The following STK39 variants were observed in gnomAD, a reference collection of about 807,000 sequenced individuals.
The protein encoded by STK39 is serine/threonine kinase 39.
STK39 carries 20 observed loss-of-function variants against 77.8 expected under a neutral mutation model. The ratio of observed to expected loss-of-function variants is 0.26; its 90% CI spans 0.18 to 0.37. The LOEUF (loss-of-function observed/expected upper bound fraction) is 0.37. STK39 is among the 10% of genes least tolerant of loss of function. The probability of loss-of-function intolerance (pLI) is 1.00; values close to 1 mark genes in which losing one functional copy is unlikely to be tolerated. For missense variants in STK39, 479 were observed against 656.5 expected (o/e 0.73, Z 2.95); for synonymous variants, 246 against 234.1 (o/e 1.05, Z -0.47).
intron 17 of STK39, among the ~76,000 whole-genome samples, chr2:167,962,812 G>C (rs558822672): frequency 6.6e-6 from 1 of 152,188 alleles, no homozygotes; most frequent in South Asian, 2.1e-4. Flanking sequence ...TGAGAGCGTG[G>C]GCACTGAGGC....
chr2:168,158,201 G>A (rs962524010), intron 5 of STK39, among the ~76,000 whole-genome samples: 1 of 152,152 alleles, frequency 6.6e-6, no homozygotes, highest in Non-Finnish European at 1.5e-5. Context: ...AGGCATCCAA[G>A]TTGATTATCA....
At chr2:168,048,564 T>C (rs1048194628) in intron 14 of STK39, among the ~76,000 whole-genome samples, 1 of 152,094 alleles carries the variant, frequency 6.6e-6, no homozygotes, top group Non-Finnish European at 1.5e-5. Flanking sequence ...TTGTCTCTCA[T>C]GAATATTGGA....
intron 10 of STK39, among the ~76,000 whole-genome samples, chr2:168,119,963 G>GT (rs1687362223): frequency 6.6e-6 from 1 of 152,132 alleles, no homozygotes; most frequent in South Asian, 2.1e-4. Flanking sequence ...GTTGGCCTTG[G>GT]TTAAGGCTCG....
chr2:168,234,679 T>A (rs1169462209), intron 1 of STK39, among the ~76,000 whole-genome samples: 2 of 152,212 alleles, frequency 1.3e-5, no homozygotes, highest in Non-Finnish European at 2.9e-5. Flanking sequence ...CAAAAGGTGA[T>A]GGCTGAAATG....
intron 15 of STK39, among the ~76,000 whole-genome samples, chr2:168,014,996 C>T (rs1187240383): frequency 1.3e-5 from 2 of 152,146 alleles, no homozygotes; most frequent in East Asian, 1.9e-4. Flanking sequence ...AAACAGGTAC[C>T]GCTGGCTGAT....
intron 10 of STK39, among the ~76,000 whole-genome samples, chr2:168,127,974 G>A (rs1056574076): frequency 3.9e-5 from 6 of 152,048 alleles, no homozygotes; most frequent in Admixed American, 1.3e-4. Context: ...TGGGGGGCTC[G>A]GAAAGAAATA....
At chr2:167,970,985 A>T (rs1214514190) in intron 16 of STK39, among the ~76,000 whole-genome samples, 1 of 152,210 alleles carries the variant, frequency 6.6e-6, no homozygotes, top group Admixed American at 6.5e-5. Context: ...TTCATTGCTC[A>T]ATTAAAGTCC....
At position 168,087,033 on chromosome 2, in the gene STK39, G is replaced by C. The variant is rs76978093; in HGVS notation, c.1090-11802C>G. Among the ~76,000 whole-genome samples the C allele has an allele frequency of 3.7e-3, 562 of 152,338 alleles. 3 individuals carry two copies. The highest frequency in any genetic ancestry group is 0.013 in the African/African-American group (521 of 41,576). On this transcript the variant is annotated intron_variant, in intron 10 of 17. Coordinates refer to ENST00000355999, the MANE Select transcript of STK39 (RefSeq NM_013233.3). ...CTCCTGCTGGAAAGGGTGCCAAGCT[G>C]ATCTGTAACTTTAGCTAATAAAGAG...
chr2:168,184,415 T>C (rs559429019), intron 1 of STK39, among the ~76,000 whole-genome samples: 63 of 152,218 alleles, frequency 4.1e-4, no homozygotes, highest in Non-Finnish European at 7.8e-4. Context: ...GATTTAACCA[T>C]TCATTAAACA....
intron 1 of STK39, among the ~76,000 whole-genome samples, chr2:168,236,401 T>C (rs971621709): frequency 6.6e-5 from 10 of 152,206 alleles, no homozygotes; most frequent in African/African-American, 2.4e-4. Context: ...TTCTGTAGGT[T>C]GCCTGTTCAC....
chr2:168,184,668 G>GT (rs1256848693), intron 1 of STK39, among the ~76,000 whole-genome samples: 1 of 152,174 alleles, frequency 6.6e-6, no homozygotes, highest in African/African-American at 2.4e-5. Context: ...CCAGGTTGGT[G>GT]TTTTTTCAAA....
At chr2:168,179,541 A>G (rs1262459579) in intron 2 of STK39, among the ~76,000 whole-genome samples, 1 of 152,266 alleles carries the variant, frequency 6.6e-6, no homozygotes, top group Non-Finnish European at 1.5e-5. Context: ...TATAAAATGA[A>G]AAATAAATAA....
At chr2:167,983,189 T>C (rs982997885) in intron 16 of STK39, among the ~76,000 whole-genome samples, 3 of 152,068 alleles carry the variant, frequency 2.0e-5, no homozygotes, top group Non-Finnish European at 2.9e-5. Flanking sequence ...ATAGAAATTG[T>C]AGGAAATAGG....
chr2:168,206,047 A>C (rs1190337093), intron 1 of STK39, among the ~76,000 whole-genome samples: 1 of 152,184 alleles, frequency 6.6e-6, no homozygotes, highest in Admixed American at 6.5e-5. Flanking sequence ...CCCAATTCAT[A>C]TAACTCTACT....
chr2:168,190,191 GCT>G (rs1447080678), intron 1 of STK39, among the ~76,000 whole-genome samples: 5 of 152,116 alleles, frequency 3.3e-5, no homozygotes, highest in Non-Finnish European at 5.9e-5. Context: ...AAGAGTGTTG[GCT>G]AAGTGAATGG....
At chr2:168,244,127 C>A (rs1264193573) in intron 1 of STK39, among the ~76,000 whole-genome samples, 1 of 152,184 alleles carries the variant, frequency 6.6e-6, no homozygotes, top group Non-Finnish European at 1.5e-5. Context: ...ATTTCCAGGT[C>A]ATGAATAAAC....
chr2:168,235,398 T>A (rs148688843), intron 1 of STK39, among the ~76,000 whole-genome samples: 2 of 151,862 alleles, frequency 1.3e-5, no homozygotes, highest in African/African-American at 4.8e-5. Flanking sequence ...CAATGTGATA[T>A]AAGTGGAAGA....
chr2:168,165,005 C>G (rs1234287866), intron 3 of STK39, among the ~76,000 whole-genome samples: 1 of 152,024 alleles, frequency 6.6e-6, no homozygotes, highest in Non-Finnish European at 1.5e-5. Context: ...CTGCCTGCCC[C>G]TCATTAAGAG....
At chr2:168,147,594 G>A (rs936962371) in intron 5 of STK39, among the ~76,000 whole-genome samples, 1 of 103,970 alleles carries the variant, frequency 9.6e-6, no homozygotes, top group African/African-American at 3.3e-5. Context: ...GTACACATGG[G>A]TGTGCACAAT....
Sources: gnomAD v4.1 joint callset for allele counts (sites outside exome capture counted in the v4.1 genomes callset) on GRCh38, gnomAD v4.1.1 for gene constraint, MANE v1.5 for transcripts, NCBI Gene and HGNC (gene_info 2026-07-23, HGNC 2026-07-21) for gene names.